MCM5: variants seen among roughly 807,000 people sequenced by gnomAD.
The protein encoded by MCM5 is DNA replication licensing factor MCM5.
MCM5 carries 46 observed loss-of-function variants against 79.9 expected under a neutral mutation model. The observed-to-expected ratio is 0.58, with a 90% CI of 0.45 to 0.74. The LOEUF is 0.74. MCM5 is among the 30% of genes least tolerant of loss of function. The pLI is 0.00. For missense variants in MCM5, 883 were observed against 1,017.0 expected (o/e 0.87, Z 1.79); for synonymous variants, 404 against 390.5 (o/e 1.03, Z -0.41).
intron 4 of MCM5, among the ~76,000 whole-genome samples, chr22:35,404,848 G>A (rs2145784149): frequency 6.6e-6 from 1 of 152,316 alleles, no homozygotes; most frequent in Non-Finnish European, 1.5e-5. Context: ...GTACACTAGT[G>A]GCTCAGGAGC....
chr22:35,424,291 C>G lies in MCM5; in HGVS notation c.*36C>G. 1.4e-6 allele frequency: 2 copies of G among 1,422,416 alleles called. No homozygotes were observed. Among genetic ancestry groups the G allele is most frequent in the Non-Finnish European group, 1.9e-6 (2 of 1,044,562 alleles). The allele number at this position is 1,422,416 out of a possible 1,614,324, so 88.1% of individuals were successfully genotyped here. A position where few individuals can be genotyped will look rare whatever the true frequency, so the allele number is the denominator to read the frequency against. On this transcript the variant is annotated 3_prime_UTR_variant, in exon 17 of 17. Coordinates refer to ENST00000216122, the MANE Select transcript of MCM5 (RefSeq NM_006739.4). ...CTCACTGGACTCATGGACTCGCCCA[C>G]GCCTCGCCCCTCCTGCCGCTGCCTG... is the stretch of plus-strand genomic sequence containing the variant.
downstream of MCM5, among the ~76,000 whole-genome samples, chr22:35,429,003 T>C (rs945572812): frequency 3.2e-4 from 48 of 149,402 alleles, no homozygotes; most frequent in Non-Finnish European, 6.2e-4. Context: ...TTTTTCTTTT[T>C]TGAGGCGGAA....
In MCM5 at chr22:35,424,573, C is replaced by T. The variant is rs973572609; in HGVS notation, c.*318C>T. The T allele has an allele frequency of 2.1e-5, 5 of 243,504 alleles. No homozygotes were observed. Among genetic ancestry groups the T allele is most frequent in the Admixed American group, 5.7e-5 (1 of 17,590 alleles). The allele number at this position is 243,504 out of a possible 1,614,324, so 15.1% of individuals were successfully genotyped here. A position where few individuals can be genotyped will look rare whatever the true frequency, so the allele number is the denominator to read the frequency against. ...TCATGGCAGGGTAAGTGTGAGGGAA[C>T]AGGGTCTGGAGGCAGACTGGCCAGG... On this transcript the variant is annotated 3_prime_UTR_variant, in exon 17 of 17. Transcript: ENST00000216122.
At chr22:35,442,115 C>T in the MCM5 span, among the ~76,000 whole-genome samples, 6 of 152,102 alleles carry the variant, frequency 3.9e-5, no homozygotes, top group African/African-American at 1.2e-4. Context: ...AGAAAGTCCA[C>T]GCTCCCCTGC....
At chr22:35,404,619 A>T (rs1329129725) in intron 4 of MCM5, among the ~76,000 whole-genome samples, 1 of 152,170 alleles carries the variant, frequency 6.6e-6, no homozygotes, top group Non-Finnish European at 1.5e-5. Context: ...GCTGAGACTG[A>T]CCAGGTGCTA....
chr22:35,437,094 G>A, the MCM5 span, among the ~76,000 whole-genome samples: 1 of 152,348 alleles, frequency 6.6e-6, no homozygotes, highest in African/African-American at 2.4e-5. Flanking sequence ...ACACCTGCAT[G>A]CAGAACAGCC....
the MCM5 span, among the ~76,000 whole-genome samples, chr22:35,438,227 C>A: frequency 1.8e-5 from 2 of 113,258 alleles, no homozygotes; most frequent in Admixed American, 8.5e-5. Context: ...ATCCATCCAT[C>A]CACCCACCCA....
At chr22:35,413,783 A>C (rs1433129636) in intron 8 of MCM5, 92 bp from the exon 9 acceptor site, 1 of 753,684 alleles carries the variant, frequency 1.3e-6, no homozygotes, top group African/African-American at 1.7e-5. Flanking sequence ...TAGTTGGGGG[A>C]GTCAACTGCC....
chr22:35,402,482 A>G (rs1415843345), intron 2 of MCM5, among the ~76,000 whole-genome samples: 1 of 149,922 alleles, frequency 6.7e-6, no homozygotes, highest in Non-Finnish European at 1.5e-5. Flanking sequence ...ATCCGCCACC[A>G]CACCCGGCTA....
chr22:35,407,185 C>T lies in MCM5; in HGVS notation c.596+460C>T, dbSNP rs1014715862. Among the ~76,000 whole-genome samples, 5 of 152,284 alleles carry T rather than the reference C, an allele frequency of 3.3e-5. No homozygotes were observed. The South Asian group carries it at 6.2e-4, about 19-fold the overall frequency. ...AACCTGGAATGCACATCCTCCGGCC[C>T]TTTCTAGAAAATGTTTGCTGCCCCC... On this transcript the variant is annotated intron_variant, in intron 5 of 16. Transcript: ENST00000216122.
At chr22:35,438,559 T>TCATCCATCCATCCATCCATC in the MCM5 span, among the ~76,000 whole-genome samples, 1 of 82,804 alleles carries the variant, frequency 1.2e-5, no homozygotes, top group Non-Finnish European at 2.2e-5. Context: ...ACTCACATAT[T>TCATCCATCCATCCATCCATC]CATCCATCCA....
the MCM5 span, among the ~76,000 whole-genome samples, chr22:35,439,496 C>T: frequency 3.4e-5 from 5 of 147,298 alleles, no homozygotes; most frequent in Non-Finnish European, 6.0e-5. Context: ...TCCATCCACC[C>T]GCCCACATAT....
At position 35,424,203 on chromosome 22, in the gene MCM5, G is replaced by A. The variant is rs1255232643; in HGVS notation, c.2153G>A (p.Arg718His). The A allele has an allele frequency of 1.9e-6, 3 of 1,553,256 alleles. No individual in the cohort carries two copies. The highest frequency in any genetic ancestry group is 1.7e-6 in the Non-Finnish European group (2 of 1,147,994). ...AAGGTGCTGCAGCTCATGCTGCGGC[G>A]CGGCGAGATCCAGCATCGCATGCAG... is the stretch of plus-strand genomic sequence containing the variant. ...IHKVLQLMLRRGEIQHRMQRK... is the reference protein window; with the variant it reads ...IHKVLQLMLRHGEIQHRMQRK... Residue 718 changes from arginine (R) to histidine (H), a missense_variant, in exon 17 of 17, where the codon CGC becomes CAC. By Grantham distance (29) the Arg-to-His change is conservative. Transcript: ENST00000216122.
chr22:35,429,222 G>A (rs1601767666), downstream of MCM5, among the ~76,000 whole-genome samples: 1 of 151,966 alleles, frequency 6.6e-6, no homozygotes, highest in East Asian at 1.9e-4. Flanking sequence ...CTGACCTCAG[G>A]TGATCCACCT....
chr22:35,406,033 A>G (rs1413468937), intron 4 of MCM5, among the ~76,000 whole-genome samples: 1 of 152,096 alleles, frequency 6.6e-6, no homozygotes, highest in Non-Finnish European at 1.5e-5. Flanking sequence ...AGAAAAAAGA[A>G]AAAATATTAC....
At chr22:35,418,849 A>G (rs1473408767) in intron 13 of MCM5, among the ~76,000 whole-genome samples, 1 of 152,172 alleles carries the variant, frequency 6.6e-6, no homozygotes, top group Non-Finnish European at 1.5e-5. Flanking sequence ...TGGATGGGGA[A>G]GCTGAGGCAA....
Position 35,400,176 on chromosome 22 carries a change from CT to C in MCM5, c.-40del. ...GGCGGCTGAGCGTGGAGGTTCTTGT[CT>C]CCCCTGGTTTGTGAAGTGCGGAAAA... On this transcript the variant is annotated 5_prime_UTR_variant, in exon 1 of 17. Transcript: ENST00000216122. 1 of 477,764 alleles carries C rather than the reference CT, an allele frequency of 2.1e-6. No individual in the cohort carries two copies. Among genetic ancestry groups the C allele is most frequent in the South Asian group, 2.2e-5 (1 of 44,812 alleles). 29.6% of individuals were successfully genotyped at this position (477,764 alleles called of 1,614,324 possible).
chr22:35,443,839 G>C, the MCM5 span, among the ~76,000 whole-genome samples: 1 of 152,214 alleles, frequency 6.6e-6, no homozygotes, highest in African/African-American at 2.4e-5. Flanking sequence ...CTTGAGCCCA[G>C]TGCAGGCCTC....
At chr22:35,435,517 C>T in the MCM5 span, among the ~76,000 whole-genome samples, 25 of 152,320 alleles carry the variant, frequency 1.6e-4, no homozygotes, top group South Asian at 4.4e-3. Context: ...ACAACTCCCC[C>T]GTTGCTATGG....
Sources: allele counts gnomAD v4.1 joint callset (sites outside exome capture counted in the v4.1 genomes callset), GRCh38; gene constraint gnomAD v4.1.1; transcripts MANE v1.5; gene names NCBI Gene and HGNC (gene_info 2026-07-23, HGNC 2026-07-21).